GUCY1A2: variants seen among roughly 807,000 people sequenced by gnomAD.
GUCY1A2 encodes guanylate cyclase soluble subunit alpha-2.
GUCY1A2 carries 27 observed loss-of-function variants against 63.5 expected under a neutral mutation model. The ratio of observed to expected loss-of-function variants is 0.43; its 90% CI spans 0.31 to 0.59. GUCY1A2 has a LOEUF of 0.59. GUCY1A2 is among the 20% of genes least tolerant of loss of function. The probability of loss-of-function intolerance (pLI) is 0.11; values close to 1 mark genes in which losing one functional copy is unlikely to be tolerated. For missense variants in GUCY1A2, 768 were observed against 913.3 expected (o/e 0.84, Z 2.05); for synonymous variants, 364 against 343.5 (o/e 1.06, Z -0.66).
chr11:106,701,893 A>C (rs1565262045), intron 7 of GUCY1A2, among the ~76,000 whole-genome samples: 1 of 152,190 alleles, frequency 6.6e-6, no homozygotes, highest in Non-Finnish European at 1.5e-5. Flanking sequence ...TGTATCCTAT[A>C]AACATGTACT....
intron 6 of GUCY1A2, among the ~76,000 whole-genome samples, chr11:106,745,290 CAT>C (rs1183191291): frequency 6.6e-6 from 1 of 152,122 alleles, no homozygotes; most frequent in Non-Finnish European, 1.5e-5. Context: ...TGTGTAGTGA[CAT>C]GTGTGAATGG....
intron 5 of GUCY1A2, among the ~76,000 whole-genome samples, chr11:106,798,668 T>C (rs891566279): frequency 8.5e-5 from 13 of 152,114 alleles, no homozygotes; most frequent in African/African-American, 2.9e-4. Flanking sequence ...AAAAACCACA[T>C]GATTATCTCA....
chr11:107,004,387 C>A lies in GUCY1A2; in HGVS notation c.303+13366G>T, dbSNP rs80074605. 7.2e-3 allele frequency among the ~76,000 whole-genome samples: 1,101 copies of A among 152,208 alleles called. 10 individuals carry two copies. Among genetic ancestry groups the A allele is most frequent in the African/African-American group, 0.025 (1,057 of 41,552 alleles). On this transcript the variant is annotated intron_variant, in intron 1 of 7. Transcript: ENST00000526355. ...GATACATATTATAAAAGCATTTGAT[C>A]AATTCTGGCTCCATAGCAGTTGCTT...
intron 4 of GUCY1A2, among the ~76,000 whole-genome samples, chr11:106,849,781 CTG>C (rs1412288931): frequency 1.3e-5 from 2 of 151,634 alleles, no homozygotes; most frequent in African/African-American, 4.8e-5. Flanking sequence ...TCCATCCAAA[CTG>C]AGCATTATCT....
At chr11:106,798,094 C>T (rs1324543640) in intron 5 of GUCY1A2, among the ~76,000 whole-genome samples, 1 of 152,058 alleles carries the variant, frequency 6.6e-6, no homozygotes, top group Non-Finnish European at 1.5e-5. Flanking sequence ...CACCACCAAT[C>T]CCACAGAAAT....
intron 4 of GUCY1A2, among the ~76,000 whole-genome samples, chr11:106,832,961 C>T (rs1052012915): frequency 9.2e-5 from 14 of 152,116 alleles, no homozygotes; most frequent in African/African-American, 2.4e-4. Flanking sequence ...GGAAGTATCA[C>T]GAATTGAGTG....
At chr11:106,809,273 T>A (rs1858733110) in intron 5 of GUCY1A2, among the ~76,000 whole-genome samples, 1 of 152,166 alleles carries the variant, frequency 6.6e-6, no homozygotes, top group Admixed American at 6.5e-5. Context: ...TGCCCTGACA[T>A]TGTGCAATCT....
intron 4 of GUCY1A2, among the ~76,000 whole-genome samples, chr11:106,839,563 T>G (rs1859167226): frequency 1.3e-5 from 2 of 151,918 alleles, no homozygotes; most frequent in South Asian, 4.1e-4. Flanking sequence ...TGCACACGTA[T>G]GTTTATTGCG....
chr11:106,939,729 G>T lies in GUCY1A2; in HGVS notation c.937C>A (p.Pro313Thr), dbSNP rs765891557. ...TTGATGCTAATTCTGAGGTCCGCAG[G>T]AACTTGGGAGGTTCCCTGTGGAAGG... Reference protein sequence around the residue: ...KNLPQGTSQVPADLRISINTF... With the variant: ...KNLPQGTSQVTADLRISINTF... The change falls in exon 4 of 8, where the codon CCT (proline) becomes ACT (threonine). Residue 313 changes from proline (P) to threonine (T), a missense_variant. Transcript: ENST00000526355. 8 of 1,613,828 alleles carry T rather than the reference G, an allele frequency of 5.0e-6. No individual in the cohort carries two copies. The highest frequency in any genetic ancestry group is 5.9e-6 in the Non-Finnish European group (7 of 1,179,770).
chr11:106,827,787 G>A (rs1360212109), intron 4 of GUCY1A2: 1 of 1,553,066 alleles, frequency 6.4e-7, no homozygotes, highest in Non-Finnish European at 8.9e-7. Flanking sequence ...AATATCTTCT[G>A]ATGGAAAGTG....
chr11:106,708,717 G>A (rs924879182), intron 6 of GUCY1A2, 51 bp from the exon 7 acceptor site: 6 of 1,300,490 alleles, frequency 4.6e-6, no homozygotes, highest in Non-Finnish European at 6.3e-6. Context: ...CATTTGGTAT[G>A]CAATTATTTT....
intron 1 of GUCY1A2, among the ~76,000 whole-genome samples, chr11:106,995,570 C>A (rs1861523994): frequency 6.6e-6 from 1 of 152,164 alleles, no homozygotes; most frequent in Admixed American, 6.5e-5. Flanking sequence ...ATTTAATTTT[C>A]ATAAAATGGG....
At chr11:106,707,938 A>G (rs1862945738) in intron 7 of GUCY1A2, among the ~76,000 whole-genome samples, 1 of 152,158 alleles carries the variant, frequency 6.6e-6, no homozygotes, top group African/African-American at 2.4e-5. Flanking sequence ...CGATACTGAA[A>G]GGAAATGCTC....
chr11:106,958,709 G>C (rs1020091929), intron 3 of GUCY1A2, among the ~76,000 whole-genome samples: 6 of 152,066 alleles, frequency 3.9e-5, no homozygotes, highest in Admixed American at 6.6e-5. Context: ...GAAAGCAGTT[G>C]AGAAATAGGA....
At chr11:106,822,897 T>C (rs557847244) in intron 4 of GUCY1A2, among the ~76,000 whole-genome samples, 1 of 152,320 alleles carries the variant, frequency 6.6e-6, no homozygotes, top group South Asian at 2.1e-4. Context: ...CATTGGAATG[T>C]ATTCTAGGAA....
intron 5 of GUCY1A2, among the ~76,000 whole-genome samples, chr11:106,796,138 T>G (rs1486718201): frequency 1.3e-5 from 2 of 152,164 alleles, no homozygotes; most frequent in Non-Finnish European, 2.9e-5. Context: ...AACTCCTGCC[T>G]TTTTTGTTTT....
At chr11:106,878,444 C>A (rs1219495490) in intron 4 of GUCY1A2, among the ~76,000 whole-genome samples, 1 of 151,904 alleles carries the variant, frequency 6.6e-6, no homozygotes, top group East Asian at 1.9e-4. Context: ...TACCATATAA[C>A]CATAAAAAAG....
At chr11:106,955,231 C>A (rs1174343572) in intron 3 of GUCY1A2, among the ~76,000 whole-genome samples, 1 of 152,136 alleles carries the variant, frequency 6.6e-6, no homozygotes, top group Non-Finnish European at 1.5e-5. Context: ...CTCAGCCTCC[C>A]AAAGTGTTGG....
chr11:106,705,760 T>G (rs1228447179), intron 7 of GUCY1A2, among the ~76,000 whole-genome samples: 1 of 152,042 alleles, frequency 6.6e-6, no homozygotes, highest in Non-Finnish European at 1.5e-5. Context: ...CTTGGGAGGC[T>G]AAGGCAGGAG....
Sources: allele counts gnomAD v4.1 joint callset (sites outside exome capture counted in the v4.1 genomes callset), GRCh38; gene constraint gnomAD v4.1.1; transcripts MANE v1.5; gene names NCBI Gene and HGNC (gene_info 2026-07-23, HGNC 2026-07-21).